CRYBG1: variants seen among roughly 807,000 people sequenced by gnomAD.
The protein encoded by CRYBG1 is beta/gamma crystallin domain-containing protein 1.
CRYBG1 carries 139 observed loss-of-function variants against 189.2 expected under a neutral mutation model. The observed-to-expected ratio is 0.73, with a 90% CI of 0.64 to 0.85. CRYBG1 has a LOEUF of 0.85. Ranked by LOEUF, CRYBG1 falls within the 40% of genes least tolerant of loss-of-function variation. The pLI, the probability that CRYBG1 is intolerant of heterozygous loss-of-function variation, is 0.00. For synonymous variants in CRYBG1, 1,023 were observed against 1,017.1 expected (o/e 1.01, Z -0.11); for missense variants, 2,611 against 2,675.8 (o/e 0.98, Z 0.53).
At chr6:106,385,307 G>A (rs540597750) in intron 1 of CRYBG1, among the ~76,000 whole-genome samples, 32 of 152,272 alleles carry the variant, frequency 2.1e-4, no homozygotes, top group Admixed American at 2.6e-4. Flanking sequence ...AATGGTGGTT[G>A]ATAATATTAA....
intron 1 of CRYBG1, among the ~76,000 whole-genome samples, chr6:106,422,344 A>ATTTTTTTT (rs145135507): frequency 1.4e-4 from 19 of 139,894 alleles, no homozygotes; most frequent in South Asian, 5.0e-4. Flanking sequence ...TTATTTATTT[A>ATTTTTTTT]TTTTTGAGAC....
At position 106,512,810 on chromosome 6, in the gene CRYBG1, C is replaced by A; in HGVS notation, c.1693C>A (p.Arg565=). The change falls in exon 3 of 22, where the codon CGG becomes AGG. Residue 565 remains arginine (R), a synonymous_variant. Transcript: ENST00000633556. ...GGCCGAGAGCGGGGAGGAGGCGGCG[C>A]GGGCCATCCCCCGCGAGCTCCCGGT... ...TAAESGEEAA[R]AIPRELPVKS... 6.4e-7 allele frequency: 1 copy of A among 1,574,486 alleles called. No individual in the cohort carries two copies. The highest frequency in any genetic ancestry group is 8.6e-7 in the Non-Finnish European group (1 of 1,159,732).
intron 1 of CRYBG1, among the ~76,000 whole-genome samples, chr6:106,424,193 T>G (rs1337552204): frequency 6.6e-6 from 1 of 152,230 alleles, no homozygotes; most frequent in Non-Finnish European, 1.5e-5. Flanking sequence ...CCAAACTACG[T>G]TTCTAGGAAC....
intron 2 of CRYBG1, among the ~76,000 whole-genome samples, chr6:106,487,013 C>CT (rs1375118889): frequency 6.6e-6 from 1 of 152,008 alleles, no homozygotes; most frequent in Non-Finnish European, 1.5e-5. Context: ...TTGTTTACCT[C>CT]TGTGACTTGG....
intron 2 of CRYBG1, among the ~76,000 whole-genome samples, chr6:106,464,269 C>T (rs528852160): frequency 8.0e-4 from 121 of 152,166 alleles, no homozygotes; most frequent in African/African-American, 2.2e-3. Flanking sequence ...CCAAGGCGGG[C>T]GGATCACAAG....
intron 2 of CRYBG1, among the ~76,000 whole-genome samples, chr6:106,468,552 T>C (rs904796835): frequency 1.3e-5 from 2 of 152,222 alleles, no homozygotes; most frequent in African/African-American, 2.4e-5. Context: ...TAGCCGGGCA[T>C]GATGGCGTGT....
Position 106,521,327 on chromosome 6 carries a change from T to A in CRYBG1, c.4119T>A (p.Ile1373=), listed in dbSNP as rs144529082. ...KNDDMEKANH[I]ESVIKSNLPN... ...ATGATATGGAAAAGGCTAATCATAT[T>A]GAAAGTGTTATTAAATCAAACTTGC... The change falls in exon 4 of 22, where the codon ATT becomes ATA. Residue 1373 remains isoleucine, a synonymous_variant. Transcript: ENST00000633556. 4,019 of 1,614,164 alleles carry A rather than the reference T, an allele frequency of 2.5e-3. 4 individuals are homozygous for A. Among genetic ancestry groups the A allele is most frequent in the Non-Finnish European group, 3.2e-3 (3,774 of 1,180,040 alleles).
rs1773601360 is a variant in CRYBG1, at chr6:106,521,204, A to G, written c.3996A>G (p.Lys1332=). 1 of 1,614,102 alleles carries G rather than the reference A, an allele frequency of 6.2e-7. No homozygotes were observed. Among genetic ancestry groups the G allele is most frequent in the Admixed American group, 1.7e-5 (1 of 60,000 alleles). Residue 1332 remains lysine, a synonymous_variant, in exon 4 of 22, where the codon AAA becomes AAG. Transcript: ENST00000633556. ...SSLKSPSHME[K]YPQKEKTKED... ...TGAAAAGTCCAAGCCACATGGAAAA[A>G]TACCCGCAAAAAGAGAAAACCAAAG...
rs1774123767 is a variant in CRYBG1, at chr6:106,541,286, T to C, written c.4846-300T>C. ...AGATGTCAGCTCTTGGAACTGCTTTTTCAAGAGAAGTATGGATTTTTATGA... is the reference window on the plus strand; with the variant it reads ...AGATGTCAGCTCTTGGAACTGCTTTCTCAAGAGAAGTATGGATTTTTATGA... On this transcript the variant is annotated intron_variant, in intron 9 of 21. Transcript: ENST00000633556. 5.5e-6 allele frequency: 3 copies of C among 541,374 alleles called. No homozygotes were observed. In the East Asian group the frequency reaches 1.4e-4, roughly 26 times the overall value. The allele number at this position is 541,374 out of a possible 1,614,324, so 33.5% of individuals were successfully genotyped here.
intron 2 of CRYBG1, among the ~76,000 whole-genome samples, chr6:106,494,419 A>G (rs138759806): frequency 1.2e-4 from 19 of 152,174 alleles, no homozygotes; most frequent in African/African-American, 4.6e-4. Context: ...TAAAAAAATG[A>G]ATAGCATTTC....
In CRYBG1 at chr6:106,483,060, G is replaced by A. The variant is rs114515587; in HGVS notation, c.313-28370G>A. The stretch of plus-strand genomic sequence containing the variant: ...ACCTTACTGTTAACATCACCTTACT[G>A]TGATGTTATAGAAAATCAGAACTTA... On this transcript the variant is annotated intron_variant, in intron 2 of 21. Coordinates refer to ENST00000633556, the MANE Select transcript of CRYBG1 (RefSeq NM_001371242.2). Among the ~76,000 whole-genome samples, 671 of 152,150 alleles carry A rather than the reference G, an allele frequency of 4.4e-3. 4 individuals carry two copies. The highest frequency in any genetic ancestry group is 0.015 in the African/African-American group (622 of 41,508).
At position 106,520,026 on chromosome 6, in the gene CRYBG1, C is replaced by T. The variant is rs775714727; in HGVS notation, c.2818C>T (p.Arg940Cys). The change falls in exon 4 of 22, where the codon CGT becomes TGT. Residue 940 changes from arginine to cysteine, a missense_variant. By Grantham distance (180) the Arg-to-Cys change is radical. Transcript: ENST00000633556. ...AACAACCCCTCCTTTGTCCACAGAG[C>T]GTAGTCCAGAAGCTGTGGGAAGTGA... ...GETTPPLSTE[R>C]SPEAVGSECP... 3.7e-5 allele frequency: 60 copies of T among 1,614,072 alleles called. 1 individual carries two copies. In the South Asian group the frequency reaches 3.7e-4, roughly 10 times the overall value.
intron 1 of CRYBG1, among the ~76,000 whole-genome samples, chr6:106,395,912 TAA>T (rs1770598067): frequency 7.5e-6 from 1 of 134,158 alleles, no homozygotes. Context: ...AGGCAAATGA[TAA>T]CACTTAGCTG....
chr6:106,553,580 A>C lies in CRYBG1; in HGVS notation c.5585+13A>C. 6.5e-7 allele frequency: 1 copy of C among 1,542,254 alleles called. No homozygotes were observed. The highest frequency in any genetic ancestry group is 9.0e-7 in the Non-Finnish European group (1 of 1,114,614). On this transcript the variant is annotated intron_variant, in intron 16 of 21. Transcript: ENST00000633556. ...TTTCAGGAGGCAGGTAAGTGAAACA[A>C]AGGCCTGGCAGAGCTGAATCACTGG...
intron 16 of CRYBG1, among the ~76,000 whole-genome samples, chr6:106,555,168 G>A (rs541860164): frequency 7.7e-6 from 1 of 130,610 alleles, no homozygotes; most frequent in African/African-American, 2.9e-5. Context: ...CTGTCCCCCC[G>A]CCACCAAAAG....
intron 2 of CRYBG1, among the ~76,000 whole-genome samples, chr6:106,486,765 G>C (rs1330789682): frequency 5.9e-5 from 9 of 151,842 alleles, no homozygotes; most frequent in Non-Finnish European, 1.3e-4. Flanking sequence ...GTTTCCATTT[G>C]CATGGAATCT....
chr6:106,367,817 A>T (rs958129781), intron 1 of CRYBG1, among the ~76,000 whole-genome samples: 11 of 121,596 alleles, frequency 9.0e-5, no homozygotes, highest in African/African-American at 3.3e-4. Context: ...AAAAAAAAAA[A>T]TTAGCCAGGT....
chr6:106,388,866 T>G (rs1374895531), intron 1 of CRYBG1, among the ~76,000 whole-genome samples: 1 of 152,216 alleles, frequency 6.6e-6, no homozygotes, highest in Non-Finnish European at 1.5e-5. Context: ...AGATCAGTGC[T>G]TTTTACAATA....
At chr6:106,423,148 T>C (rs1194511114) in intron 1 of CRYBG1, among the ~76,000 whole-genome samples, 3 of 152,078 alleles carry the variant, frequency 2.0e-5, no homozygotes, top group African/African-American at 2.4e-5. Flanking sequence ...AAATAATGAA[T>C]TGACTTCAGA....
Sources: allele counts gnomAD v4.1 joint callset (sites outside exome capture counted in the v4.1 genomes callset), GRCh38; gene constraint gnomAD v4.1.1; transcripts MANE v1.5; gene names NCBI Gene and HGNC (gene_info 2026-07-23, HGNC 2026-07-21).